NCKAP5: variants seen among roughly 807,000 people sequenced by gnomAD.
The protein encoded by NCKAP5 is nck-associated protein 5.
Under a neutral mutation model 167.0 loss-of-function variants are expected in NCKAP5, and 92 were observed. The observed-to-expected ratio is 0.55, with a 90% confidence interval of 0.47 to 0.66. The LOEUF (loss-of-function observed/expected upper bound fraction) is 0.66, where lower values mean the gene tolerates loss of function less well. Ranked by LOEUF, NCKAP5 falls within the 30% of genes least tolerant of loss-of-function variation. NCKAP5 has a pLI of 0.00. For synonymous variants in NCKAP5, 891 were observed against 877.4 expected, an observed-to-expected ratio of 1.02 and a Z score of -0.27; for missense variants, 2,378 against 2,315.0, an observed-to-expected ratio of 1.03 and a Z score of -0.56.
chr2:133,311,144 A>G (rs1048605058), intron 3 of NCKAP5, among the ~76,000 whole-genome samples: 1 of 152,168 alleles, frequency 6.6e-6, no homozygotes, highest in Non-Finnish European at 1.5e-5. Flanking sequence ...TCAGACACCA[A>G]TCACAAGTAC....
rs1299853669 is a variant in NCKAP5, at chr2:133,153,679, T to A, written c.208-23568A>T. On this transcript the variant is annotated intron_variant, in intron 5 of 19. Transcript: ENST00000409261. ...CCCCATCTTTAAACACTCTCTCCTG[T>A]GTCCACTGTGCTTCTGGCATATCTC... is the stretch of plus-strand genomic sequence containing the variant. 2.6e-5 allele frequency among the ~76,000 whole-genome samples: 4 copies of A among 152,150 alleles called. No individual in the cohort carries two copies. The East Asian group carries it at 7.8e-4, about 30-fold the overall frequency.
At chr2:133,139,578 A>C (rs1260963664) in intron 5 of NCKAP5, among the ~76,000 whole-genome samples, 3 of 152,190 alleles carry the variant, frequency 2.0e-5, no homozygotes, top group Non-Finnish European at 4.4e-5. Context: ...TTTTAATTTG[A>C]TTCTGAAATG....
chr2:133,391,826 A>G (rs1233573345), intron 3 of NCKAP5, among the ~76,000 whole-genome samples: 3 of 152,182 alleles, frequency 2.0e-5, no homozygotes, highest in Non-Finnish European at 4.4e-5. Context: ...TCCATTACTC[A>G]CAAGTGAAAT....
chr2:132,943,680 G>C (rs1697468470), intron 8 of NCKAP5, among the ~76,000 whole-genome samples: 1 of 152,192 alleles, frequency 6.6e-6, no homozygotes, highest in African/African-American at 2.4e-5. Context: ...ACTCAGAGCA[G>C]GGTGGACAGC....
chr2:132,796,751 C>T (rs1684640865), intron 11 of NCKAP5, 22 bp from the exon 12 acceptor site: 7 of 1,442,002 alleles, frequency 4.9e-6, no homozygotes, highest in Non-Finnish European at 6.8e-6. Flanking sequence ...CAAGCAGAAA[C>T]ATTGAATAGC....
At chr2:133,282,431 C>T (rs970914195) in intron 4 of NCKAP5, among the ~76,000 whole-genome samples, 1 of 152,036 alleles carries the variant, frequency 6.6e-6, no homozygotes, top group African/African-American at 2.4e-5. Flanking sequence ...CTAGGATTTC[C>T]TTATAAGTAA....
chr2:133,066,218 C>T (rs1206913540), intron 6 of NCKAP5, among the ~76,000 whole-genome samples: 1 of 152,148 alleles, frequency 6.6e-6, no homozygotes, highest in Admixed American at 6.5e-5. Context: ...GGCTTAATTA[C>T]CAAACTGTAG....
At chr2:133,564,656 G>A (rs894230380) in intron 1 of NCKAP5, among the ~76,000 whole-genome samples, 9 of 152,166 alleles carry the variant, frequency 5.9e-5, no homozygotes, top group Non-Finnish European at 7.3e-5. Context: ...AGCAGGGAAC[G>A]TTGTCAGATG....
chr2:133,500,550 G>A lies in NCKAP5; in HGVS notation c.69+16908C>T, dbSNP rs145647160. On this transcript the variant is annotated intron_variant, in intron 3 of 19. Coordinates refer to ENST00000409261, the MANE Select transcript of NCKAP5 (RefSeq NM_207363.3). Reference sequence around the variant, plus strand: ...AACTGTAATGACCACGTCCTAAAGAGGCAACAGTGGCCTCAGCAAAACAGC... The same window carrying A: ...AACTGTAATGACCACGTCCTAAAGAAGCAACAGTGGCCTCAGCAAAACAGC... 1.6e-3 allele frequency among the ~76,000 whole-genome samples: 238 copies of A among 152,274 alleles called. 1 individual carries two copies. Among genetic ancestry groups the A allele is most frequent in the African/African-American group, 5.4e-3 (225 of 41,562 alleles).
At chr2:133,523,118 C>A (rs1170359849) in intron 2 of NCKAP5, among the ~76,000 whole-genome samples, 3 of 126,088 alleles carry the variant, frequency 2.4e-5, no homozygotes, top group African/African-American at 8.5e-5. Flanking sequence ...TTTTTTTTTT[C>A]AATTTTTTCT....
At chr2:132,956,650 C>T (rs2149173172) in intron 8 of NCKAP5, among the ~76,000 whole-genome samples, 1 of 152,282 alleles carries the variant, frequency 6.6e-6, no homozygotes, top group South Asian at 2.1e-4. Context: ...TCAGTTTTGA[C>T]TCTCTCCATG....
At chr2:132,760,103 C>A (rs1680876513) in intron 16 of NCKAP5, among the ~76,000 whole-genome samples, 1 of 152,034 alleles carries the variant, frequency 6.6e-6, no homozygotes, top group South Asian at 2.1e-4. Context: ...CACTCATTTC[C>A]AGTTCTATTA....
At chr2:132,727,264 T>G (rs1314388583) in intron 18 of NCKAP5, among the ~76,000 whole-genome samples, 1 of 152,204 alleles carries the variant, frequency 6.6e-6, no homozygotes. Context: ...TCCTTTGCCA[T>G]CAACACCAAC....
intron 3 of NCKAP5, among the ~76,000 whole-genome samples, chr2:133,508,834 C>G (rs1161323802): frequency 6.6e-6 from 1 of 152,258 alleles, no homozygotes; most frequent in Non-Finnish European, 1.5e-5. Flanking sequence ...ACACATGGAA[C>G]ATGCCAAGCA....
chr2:133,196,106 T>C (rs79703034), intron 5 of NCKAP5, among the ~76,000 whole-genome samples: 8,816 of 152,160 alleles, frequency 0.058, 812 homozygotes, highest in African/African-American at 0.2. Flanking sequence ...AATATAAAGG[T>C]TCACTATGCT....
chr2:133,472,310 AT>A (rs1243198449), intron 3 of NCKAP5, among the ~76,000 whole-genome samples: 1 of 152,026 alleles, frequency 6.6e-6, no homozygotes, highest in Non-Finnish European at 1.5e-5. Flanking sequence ...TTTCCTTTAG[AT>A]TTCTTATAAA....
chr2:133,334,358 G>A (rs989684481), intron 3 of NCKAP5, among the ~76,000 whole-genome samples: 1 of 152,130 alleles, frequency 6.6e-6, no homozygotes, highest in Non-Finnish European at 1.5e-5. Context: ...TGGTGGTAAA[G>A]TATCTGTCAT....
At chr2:132,702,841 T>C (rs570231817) in intron 19 of NCKAP5, among the ~76,000 whole-genome samples, 11 of 152,224 alleles carry the variant, frequency 7.2e-5, no homozygotes, top group African/African-American at 2.6e-4. Context: ...TGCAGAGTGA[T>C]TTTTAGGATT....
At chr2:133,170,337 C>G (rs1029650397) in intron 5 of NCKAP5, among the ~76,000 whole-genome samples, 1 of 152,124 alleles carries the variant, frequency 6.6e-6, no homozygotes, top group Non-Finnish European at 1.5e-5. Flanking sequence ...TGAACTAGTG[C>G]AACTGGGTGT....
Sources: gnomAD v4.1 joint callset for allele counts (sites outside exome capture counted in the v4.1 genomes callset) on GRCh38, gnomAD v4.1.1 for gene constraint, MANE v1.5 for transcripts, NCBI Gene and HGNC (gene_info 2026-07-23, HGNC 2026-07-21) for gene names.